RPS6KC1: variants seen among roughly 807,000 people sequenced by gnomAD.
RPS6KC1 encodes inactive ribosomal protein S6 kinase delta-1.
Under a neutral mutation model 103.8 loss-of-function variants are expected in RPS6KC1, and 54 were observed. The ratio of observed to expected loss-of-function variants is 0.52; its 90% CI spans 0.42 to 0.65. The LOEUF (loss-of-function observed/expected upper bound fraction) is 0.65. Among genes scored for constraint, RPS6KC1 ranks in the 30% least tolerant of loss-of-function variants. RPS6KC1 has a pLI of 0.00. For missense variants in RPS6KC1, 1,151 were observed against 1,253.8 expected (o/e 0.92, Z 1.24); for synonymous variants, 439 against 438.7 (o/e 1.00, Z -0.01).
the RPS6KC1 span, among the ~76,000 whole-genome samples, chr1:213,490,089 A>T: frequency 6.6e-6 from 1 of 152,184 alleles, no homozygotes; most frequent in Non-Finnish European, 1.5e-5. Context: ...GTTTGTGACA[A>T]TCCTGGCAAC....
the RPS6KC1 span, among the ~76,000 whole-genome samples, chr1:213,694,252 T>C: frequency 6.6e-6 from 1 of 152,230 alleles, no homozygotes; most frequent in African/African-American, 2.4e-5. Flanking sequence ...GCTATTGGAC[T>C]CTTAGTCAAT....
At chr1:213,518,248 G>T in the RPS6KC1 span, among the ~76,000 whole-genome samples, 1 of 152,180 alleles carries the variant, frequency 6.6e-6, no homozygotes, top group Non-Finnish European at 1.5e-5. Flanking sequence ...TGTGACTATG[G>T]TCTCACTTGG....
chr1:213,500,179 A>T, the RPS6KC1 span, among the ~76,000 whole-genome samples: 2 of 152,256 alleles, frequency 1.3e-5, no homozygotes, highest in Non-Finnish European at 2.9e-5. Flanking sequence ...ACAATTTTTT[A>T]AAATATCCTT....
intron 8 of RPS6KC1, among the ~76,000 whole-genome samples, chr1:213,215,719 A>G (rs2093641135): frequency 6.6e-6 from 1 of 152,256 alleles, no homozygotes; most frequent in African/African-American, 2.4e-5. Flanking sequence ...GTGGAGGCCA[A>G]TATTCAACAT....
the RPS6KC1 span, among the ~76,000 whole-genome samples, chr1:213,300,972 C>T: frequency 2.0e-5 from 3 of 152,150 alleles, no homozygotes; most frequent in Non-Finnish European, 4.4e-5. Flanking sequence ...CTTCTTCACA[C>T]TCCACCCTCA....
chr1:213,331,342 G>T, the RPS6KC1 span, among the ~76,000 whole-genome samples: 6 of 152,320 alleles, frequency 3.9e-5, no homozygotes, highest in Non-Finnish European at 7.4e-5. Context: ...TCTCACCTAT[G>T]GGTGAGTACT....
At chr1:213,852,250 A>G in the RPS6KC1 span, among the ~76,000 whole-genome samples, 2 of 152,192 alleles carry the variant, frequency 1.3e-5, no homozygotes, top group Middle Eastern at 6.3e-3. Context: ...CATGGCATAC[A>G]GATTCTCTGC....
the RPS6KC1 span, among the ~76,000 whole-genome samples, chr1:213,691,257 C>T: frequency 6.6e-6 from 1 of 152,332 alleles, no homozygotes; most frequent in East Asian, 1.9e-4. Flanking sequence ...CAGGACAGCA[C>T]AAAGAGATTC....
chr1:213,561,408 A>T, the RPS6KC1 span, among the ~76,000 whole-genome samples: 4,233 of 152,210 alleles, frequency 0.028, 195 homozygotes, highest in African/African-American at 0.095. Flanking sequence ...TTGAGAATGG[A>T]TGTTCTAGAG....
the RPS6KC1 span, among the ~76,000 whole-genome samples, chr1:213,408,149 T>C: frequency 2.0e-5 from 3 of 152,190 alleles, no homozygotes; most frequent in Non-Finnish European, 2.9e-5. Context: ...TGGGGGTCTT[T>C]CCCCAATCTA....
Position 213,272,700 on chromosome 1 carries a change from C to T in RPS6KC1, c.*66C>T. On this transcript the variant is annotated 3_prime_UTR_variant, in exon 15 of 15. Transcript: ENST00000366960. Reference sequence around the variant, plus strand: ...GTGACAGGCATCTCCAGCACTGAGGCACCTCTGACTCACAGTTACTTATGG... The same window carrying T: ...GTGACAGGCATCTCCAGCACTGAGGTACCTCTGACTCACAGTTACTTATGG... The T allele has an allele frequency of 8.6e-7, 1 of 1,158,812 alleles. No homozygotes were observed. Among genetic ancestry groups the T allele is most frequent in the Non-Finnish European group, 1.3e-6 (1 of 771,944 alleles). 71.8% of individuals were successfully genotyped at this position (1,158,812 alleles called of 1,614,324 possible).
chr1:213,644,245 A>T, the RPS6KC1 span, among the ~76,000 whole-genome samples: 1 of 152,034 alleles, frequency 6.6e-6, no homozygotes, highest in Non-Finnish European at 1.5e-5. Context: ...CTCACAGAAA[A>T]ACTGAGCAAA....
At chr1:213,407,868 G>A in the RPS6KC1 span, among the ~76,000 whole-genome samples, 1 of 152,172 alleles carries the variant, frequency 6.6e-6, no homozygotes. Flanking sequence ...AACCTGACCT[G>A]CTACAATATA....
intron 8 of RPS6KC1, among the ~76,000 whole-genome samples, chr1:213,224,650 T>C (rs2093917313): frequency 6.6e-6 from 1 of 152,220 alleles, no homozygotes; most frequent in African/African-American, 2.4e-5. Context: ...ACAAATTAGA[T>C]TTTTGTCTTT....
chr1:213,214,852 A>C (rs190710060), intron 8 of RPS6KC1, among the ~76,000 whole-genome samples: 1 of 152,180 alleles, frequency 6.6e-6, no homozygotes. Flanking sequence ...AACAGAAAGG[A>C]CGTCGACACC....
At chr1:213,759,678 T>G in the RPS6KC1 span, among the ~76,000 whole-genome samples, 1 of 152,216 alleles carries the variant, frequency 6.6e-6, no homozygotes, top group African/African-American at 2.4e-5. Flanking sequence ...TGTCCTGTCT[T>G]CTTCCCACAG....
At chr1:213,842,894 T>C in the RPS6KC1 span, among the ~76,000 whole-genome samples, 6 of 152,220 alleles carry the variant, frequency 3.9e-5, no homozygotes, top group East Asian at 1.2e-3. Flanking sequence ...TTAAATAGTG[T>C]ACTGTATTAG....
chr1:213,722,105 T>G, the RPS6KC1 span, among the ~76,000 whole-genome samples: 1 of 152,184 alleles, frequency 6.6e-6, no homozygotes, highest in African/African-American at 2.4e-5. Context: ...GCCTGGAGTC[T>G]GCATGTACTC....
chr1:213,514,805 A>G, the RPS6KC1 span, among the ~76,000 whole-genome samples: 1 of 152,206 alleles, frequency 6.6e-6, no homozygotes, highest in African/African-American at 2.4e-5. Flanking sequence ...GAATCGCCAC[A>G]CTGACTTCCA....
Sources: allele counts gnomAD v4.1 joint callset (sites outside exome capture counted in the v4.1 genomes callset), GRCh38; gene constraint gnomAD v4.1.1; transcripts MANE v1.5; gene names NCBI Gene and HGNC (gene_info 2026-07-23, HGNC 2026-07-21).